Variants in CCNJL observed in about 807,000 individuals in gnomAD.
CCNJL encodes the protein cyclin-J-like protein.
Under a neutral mutation model 33.4 loss-of-function variants are expected in CCNJL, and 33 were observed. That is an observed-to-expected ratio of 0.99 (90% CI 0.75 to 1.32). The LOEUF (loss-of-function observed/expected upper bound fraction) is 1.32, where lower values mean the gene tolerates loss of function less well. CCNJL is among the 40% of genes most tolerant of loss of function. CCNJL has a pLI of 0.00. For missense variants in CCNJL, 512 were observed against 499.7 expected (o/e 1.02, Z -0.23); for synonymous variants, 227 against 220.9 (o/e 1.03, Z -0.24).
chr5:160,267,492 T>C (rs978088199), intron 3 of CCNJL, among the ~76,000 whole-genome samples: 3 of 152,166 alleles, frequency 2.0e-5, no homozygotes, highest in Non-Finnish European at 4.4e-5. Flanking sequence ...TAATAATAGC[T>C]TTTGTGTATT....
At chr5:160,295,483 G>C (rs1313397268) in intron 2 of CCNJL, among the ~76,000 whole-genome samples, 1 of 152,128 alleles carries the variant, frequency 6.6e-6, no homozygotes, top group Non-Finnish European at 1.5e-5. Context: ...GCGAGACTCT[G>C]TCTCAAATAA....
At chr5:160,326,592 T>C in intron 1 of CCNJL, 1 of 462,430 alleles carries the variant, frequency 2.2e-6, no homozygotes, top group Non-Finnish European at 4.2e-6. Flanking sequence ...AATGATCAAC[T>C]CTAATCATAG....
intron 2 of CCNJL, among the ~76,000 whole-genome samples, chr5:160,284,043 G>C (rs953993339): frequency 1.3e-5 from 2 of 152,126 alleles, no homozygotes; most frequent in African/African-American, 4.8e-5. Context: ...TAGGTTGCTT[G>C]ACTGCACGTT....
chr5:160,297,508 C>T (rs1217754009), intron 2 of CCNJL, among the ~76,000 whole-genome samples: 1 of 151,986 alleles, frequency 6.6e-6, no homozygotes, highest in Admixed American at 6.5e-5. Flanking sequence ...GAAACCACTT[C>T]AGAGCCCGTC....
At chr5:160,306,839 G>A (rs774201128) in intron 2 of CCNJL, among the ~76,000 whole-genome samples, 8 of 152,186 alleles carry the variant, frequency 5.3e-5, no homozygotes, top group South Asian at 4.1e-4. Context: ...TTATCTGGGC[G>A]CAACCTGCAG....
intron 1 of CCNJL, among the ~76,000 whole-genome samples, chr5:160,331,222 C>CTTTTT (rs574507230): frequency 1.1e-4 from 15 of 131,434 alleles, no homozygotes; most frequent in South Asian, 2.3e-4. Context: ...TTCTTTCTTT[C>CTTTTT]TTTTTTTTTT....
rs551625410 is a variant in CCNJL, at chr5:160,255,689, G to T, written c.603C>A (p.Phe201Leu). 1 of 1,613,916 alleles carries T rather than the reference G, an allele frequency of 6.2e-7. No individual in the cohort carries two copies. The highest frequency in any genetic ancestry group is 2.2e-5 in the East Asian group (1 of 44,880). Residue 201 changes from phenylalanine (F) to leucine (L), a missense_variant, in exon 5 of 6, where the codon TTC (phenylalanine) becomes TTA (leucine). Physicochemically the swap from Phe to Leu is conservative, Grantham distance 22 (BLOSUM62 0). Transcript: ENST00000257536. ...VTLQDHIFYK[F>L]QPSVVAAACV... ...AGGCCGCAGCGACCACAGAAGGCTG[G>T]AATTTGTAGAATATGTGATCTGAAA...
Position 160,291,579 on chromosome 5 carries a change from G to A in CCNJL, c.67-10841C>T, listed in dbSNP as rs145510529. ...AAAGGTGCCTGAGGGTGCCAGCTAC[G>A]GGGCACCTGGTATGCCAGCGAAAAT... is the stretch of plus-strand genomic sequence containing the variant. On this transcript the variant is annotated intron_variant, in intron 2 of 5. Coordinates refer to ENST00000257536, the MANE Select transcript of CCNJL (RefSeq NM_001308173.3). Among the ~76,000 whole-genome samples the A allele has an allele frequency of 2.8e-3, 428 of 152,318 alleles. 3 individuals are homozygous for A. Among genetic ancestry groups the A allele is most frequent in the African/African-American group, 6.7e-3 (278 of 41,568 alleles).
At chr5:160,294,423 G>A (rs1028431129) in intron 2 of CCNJL, among the ~76,000 whole-genome samples, 4 of 152,166 alleles carry the variant, frequency 2.6e-5, no homozygotes, top group Non-Finnish European at 4.4e-5. Flanking sequence ...ATCCGCAGCC[G>A]GCGTCTGTAC....
At chr5:160,320,611 T>C (rs1406865657) in intron 1 of CCNJL, among the ~76,000 whole-genome samples, 2 of 152,234 alleles carry the variant, frequency 1.3e-5, no homozygotes, top group African/African-American at 4.8e-5. Flanking sequence ...GGGTGCGTGC[T>C]GCATCCAGGG....
chr5:160,267,001 C>A (rs893884929), intron 3 of CCNJL, among the ~76,000 whole-genome samples: 1 of 152,176 alleles, frequency 6.6e-6, no homozygotes, highest in Non-Finnish European at 1.5e-5. Context: ...TCCCCCTCCC[C>A]CAGGGTGAGA....
upstream of CCNJL, among the ~76,000 whole-genome samples, chr5:160,314,578 T>G (rs1763356836): frequency 6.6e-6 from 1 of 152,070 alleles, no homozygotes; most frequent in Non-Finnish European, 1.5e-5. Flanking sequence ...AAAGGCAAGG[T>G]GAGTAGACAA....
At chr5:160,327,092 C>A in intron 1 of CCNJL, 5 of 280,484 alleles carry the variant, frequency 1.8e-5, no homozygotes, top group South Asian at 1.1e-4. Flanking sequence ...TACAAGATGG[C>A]AATAAATGCT....
In CCNJL at chr5:160,253,291, G is replaced by C. The variant is rs1760888439; in HGVS notation, c.*87C>G. On this transcript the variant is annotated 3_prime_UTR_variant, in exon 6 of 6. Coordinates refer to ENST00000257536, the MANE Select transcript of CCNJL (RefSeq NM_001308173.3). The stretch of plus-strand genomic sequence containing the variant: ...CAAGGCTCTTCAGGGATGGCCTCCT[G>C]CTGCCTCACTTGGCTGAGCTCTCCT... 1 of 1,350,092 alleles carries C rather than the reference G, an allele frequency of 7.4e-7. No homozygotes were observed. The highest frequency in any genetic ancestry group is 1.5e-5 in the South Asian group (1 of 68,230). 83.6% of individuals were successfully genotyped at this position (1,350,092 alleles called of 1,614,324 possible).
chr5:160,322,500 G>A (rs190335294), intron 1 of CCNJL, among the ~76,000 whole-genome samples: 24 of 152,214 alleles, frequency 1.6e-4, no homozygotes, highest in African/African-American at 4.1e-4. Context: ...GAATAAGTGC[G>A]AGCCAAAATT....
chr5:160,280,573 T>C lies in CCNJL; in HGVS notation c.232A>G (p.Thr78Ala), dbSNP rs1472139134. ...DHFMDRYNVTTSKQLYTVAVS... is the reference protein window; with the variant it reads ...DHFMDRYNVTASKQLYTVAVS... ...GCCACGGTGTAGAGCTGCTTGGAGG[T>C]GGTGACGTTGTAGCGATCCATGAAG... Residue 78 changes from threonine (T) to alanine (A), a missense_variant, in exon 3 of 6, where the codon ACC becomes GCC. Thr to Ala is a moderately conservative substitution (Grantham distance 58). Transcript: ENST00000257536. 5.0e-6 allele frequency: 8 copies of C among 1,610,748 alleles called. No homozygotes were observed. The highest frequency in any genetic ancestry group is 4.2e-6 in the Non-Finnish European group (5 of 1,179,076).
At chr5:160,278,431 T>TCCC (rs978396069) in intron 3 of CCNJL, among the ~76,000 whole-genome samples, 5 of 151,944 alleles carry the variant, frequency 3.3e-5, no homozygotes, top group African/African-American at 1.2e-4. Flanking sequence ...GGCAAGGGGA[T>TCCC]CCCCCTTGTG....
rs1762233264 is a variant in CCNJL at position 160,282,084 on chromosome 5, G to T, written c.67-1346C>A. 1.3e-5 allele frequency among the ~76,000 whole-genome samples: 2 copies of T among 152,188 alleles called. 1 individual carries two copies. Among genetic ancestry groups the T allele is most frequent in the South Asian group, 4.1e-4 (2 of 4,826 alleles). ...GAATGTGAAAGCTCACTTATGGCAG[G>T]CTCACAACGGGATGAGATCGAAACA... is the stretch of plus-strand genomic sequence containing the variant. On this transcript the variant is annotated intron_variant, in intron 2 of 5. Coordinates refer to ENST00000257536, the MANE Select transcript of CCNJL (RefSeq NM_001308173.3).
chr5:160,293,244 C>A (rs548670996), intron 2 of CCNJL, among the ~76,000 whole-genome samples: 79 of 152,256 alleles, frequency 5.2e-4, no homozygotes, highest in Non-Finnish European at 9.6e-4. Context: ...CATGGTGAAA[C>A]CCCGTCTCTA....
Sources: allele counts gnomAD v4.1 joint callset (sites outside exome capture counted in the v4.1 genomes callset), GRCh38; gene constraint gnomAD v4.1.1; transcripts MANE v1.5; gene names NCBI Gene and HGNC (gene_info 2026-07-23, HGNC 2026-07-21).